GLIS3: variants seen among roughly 807,000 people sequenced by gnomAD.
GLIS3 encodes the protein zinc finger protein GLIS3.
In GLIS3, 53 loss-of-function variants were observed where a neutral mutation model predicts 78.6. The ratio of observed to expected loss-of-function variants is 0.67; its 90% CI spans 0.54 to 0.85. The LOEUF is 0.85. GLIS3 is among the 40% of genes least tolerant of loss of function. The pLI, the probability that GLIS3 is intolerant of heterozygous loss-of-function variation, is 0.00. For missense variants in GLIS3, 1,703 were observed against 1,231.1 expected (o/e 1.38, Z -5.74); for synonymous variants, 684 against 509.9 (o/e 1.34, Z -4.60).
At chr9:3,933,714 C>T (rs1285496411) in intron 5 of GLIS3, among the ~76,000 whole-genome samples, 1 of 151,962 alleles carries the variant, frequency 6.6e-6, no homozygotes, top group Non-Finnish European at 1.5e-5. Flanking sequence ...AACAAACAAA[C>T]AAAAAATCTG....
upstream of GLIS3, among the ~76,000 whole-genome samples, chr9:4,352,489 G>A (rs1189479636): frequency 1.3e-5 from 2 of 152,280 alleles, no homozygotes; most frequent in East Asian, 1.9e-4. Flanking sequence ...AAACCCAAGG[G>A]CCTTCCCTGA....
At position 4,259,178 on chromosome 9, in the gene GLIS3, A is replaced by G. The variant is rs1825269582; in HGVS notation, c.388+26860T>C. Among the ~76,000 whole-genome samples the G allele has an allele frequency of 2.6e-5, 4 of 152,138 alleles. No homozygotes were observed. The South Asian group carries it at 8.3e-4, about 32-fold the overall frequency. ...TTCTGCAAGACTCAGAAACCTAGAA[A>G]CTGGTAATATGGAGAAACTTCAGAT... On this transcript the variant is annotated intron_variant, in intron 2 of 10. Transcript: ENST00000381971.
chr9:3,933,022 A>G lies in GLIS3; in HGVS notation c.1873-552T>C, dbSNP rs973088622. 1.2e-5 allele frequency: 3 copies of G among 244,302 alleles called. No homozygotes were observed. In the Admixed American group the frequency reaches 1.4e-4, roughly 11 times the overall value. 15.1% of individuals were successfully genotyped at this position (244,302 alleles called of 1,614,324 possible). A position where few individuals can be genotyped will look rare whatever the true frequency, so the allele number is the denominator to read the frequency against. The stretch of plus-strand genomic sequence containing the variant: ...AGACACGTGAAAAATCTTCCAAAGA[A>G]GCATTAATAATATTAGTTGCAGAGG... On this transcript the variant is annotated intron_variant, in intron 5 of 10. Coordinates refer to ENST00000381971, the MANE Select transcript of GLIS3 (RefSeq NM_001042413.2).
chr9:3,978,651 TAC>T (rs2130954832), intron 4 of GLIS3, among the ~76,000 whole-genome samples: 1 of 151,924 alleles, frequency 6.6e-6, no homozygotes, highest in South Asian at 2.1e-4. Context: ...TAAATACTAA[TAC>T]AGAGTACATG....
At chr9:4,222,843 G>C (rs1272880285) in intron 2 of GLIS3, among the ~76,000 whole-genome samples, 2 of 152,178 alleles carry the variant, frequency 1.3e-5, no homozygotes, top group Non-Finnish European at 2.9e-5. Flanking sequence ...CTGTCAGTAA[G>C]ATTCTAGCAT....
At chr9:4,287,673 A>G (rs1222719627) in intron 1 of GLIS3, among the ~76,000 whole-genome samples, 1 of 152,138 alleles carries the variant, frequency 6.6e-6, no homozygotes, top group East Asian at 1.9e-4. Context: ...ATTTTTGTGT[A>G]TGATCCACTC....
At chr9:4,414,881 A>G in the GLIS3 span, among the ~76,000 whole-genome samples, 1 of 151,474 alleles carries the variant, frequency 6.6e-6, no homozygotes, top group African/African-American at 2.4e-5. Flanking sequence ...GTTTAGCTAA[A>G]ATCCTCCTTA....
chr9:4,020,854 G>C (rs916398750), intron 4 of GLIS3, among the ~76,000 whole-genome samples: 1 of 152,206 alleles, frequency 6.6e-6, no homozygotes, highest in Non-Finnish European at 1.5e-5. Flanking sequence ...GTAAGCAAAT[G>C]ATACTGGTCG....
chr9:3,903,769 AAAG>A (rs1208247513), intron 6 of GLIS3, among the ~76,000 whole-genome samples: 2 of 152,200 alleles, frequency 1.3e-5, no homozygotes, highest in Non-Finnish European at 2.9e-5. Context: ...GAAAAAAGAA[AAAG>A]AAGATAAAGG....
At chr9:4,342,012 G>A (rs1817840017) in intron 2 of GLIS3, among the ~76,000 whole-genome samples, 1 of 152,168 alleles carries the variant, frequency 6.6e-6, no homozygotes, top group African/African-American at 2.4e-5. Context: ...TTTGTTGGAT[G>A]CATACTTTGC....
the GLIS3 span, among the ~76,000 whole-genome samples, chr9:4,363,685 T>C: frequency 1.3e-5 from 2 of 152,186 alleles, no homozygotes; most frequent in African/African-American, 4.8e-5. Context: ...TTTCAACAGA[T>C]AGGCACTCAG....
Position 4,050,022 on chromosome 9 carries a change from A to T in GLIS3, c.1710+67746T>A, listed in dbSNP as rs574068974. ...GTGGGACTGTAAACTAGTTCAACCC[A>T]TGTGGAAGACAGTGTGGCAATTCCT... On this transcript the variant is annotated intron_variant, in intron 4 of 10. Coordinates refer to ENST00000381971, the MANE Select transcript of GLIS3 (RefSeq NM_001042413.2). 5.3e-4 allele frequency among the ~76,000 whole-genome samples: 81 copies of T among 152,218 alleles called. No individual in the cohort carries two copies. The South Asian group carries it at 8.7e-3, about 16-fold the overall frequency.
chr9:4,143,338 G>A (rs1412362266), intron 2 of GLIS3, among the ~76,000 whole-genome samples: 3 of 151,914 alleles, frequency 2.0e-5, no homozygotes, highest in Admixed American at 6.6e-5. Flanking sequence ...AGGCTGAGGC[G>A]GGCAGATCAC....
intron 2 of GLIS3, among the ~76,000 whole-genome samples, chr9:4,209,178 C>T (rs990879507): frequency 6.6e-6 from 1 of 152,054 alleles, no homozygotes; most frequent in East Asian, 1.9e-4. Context: ...CTAACCCAAC[C>T]CCCTCATCTT....
At chr9:4,181,829 G>C (rs879365090) in intron 2 of GLIS3, among the ~76,000 whole-genome samples, 4 of 152,192 alleles carry the variant, frequency 2.6e-5, no homozygotes, top group Non-Finnish European at 4.4e-5. Context: ...GGGTCACACA[G>C]AGACAGACCC....
intron 2 of GLIS3, among the ~76,000 whole-genome samples, chr9:4,263,961 T>G (rs1166465486): frequency 6.6e-6 from 1 of 152,150 alleles, no homozygotes; most frequent in Non-Finnish European, 1.5e-5. Context: ...TTTGCAGTCT[T>G]ATGACATCAA....
the GLIS3 span, among the ~76,000 whole-genome samples, chr9:4,446,664 C>G: frequency 6.8e-6 from 1 of 147,030 alleles, no homozygotes; most frequent in Admixed American, 7.0e-5. Flanking sequence ...CACACACCAC[C>G]ATGCCCGGCT....
chr9:3,888,477 A>C (rs1326004677), intron 7 of GLIS3, among the ~76,000 whole-genome samples: 1 of 152,186 alleles, frequency 6.6e-6, no homozygotes, highest in Non-Finnish European at 1.5e-5. Context: ...ATTCTAGCCA[A>C]AGTCAAGGGA....
intron 2 of GLIS3, among the ~76,000 whole-genome samples, chr9:4,226,303 A>T (rs4741924): frequency 0.91 from 138,145 of 152,248 alleles, 62,803 homozygotes; most frequent in Non-Finnish European, 0.93. Context: ...TCCCAACTAA[A>T]CTATAAAACT....
Sources: allele counts gnomAD v4.1 joint callset (sites outside exome capture counted in the v4.1 genomes callset), GRCh38; gene constraint gnomAD v4.1.1; transcripts MANE v1.5; gene names NCBI Gene and HGNC (gene_info 2026-07-23, HGNC 2026-07-21).